The following HNRNPAB variants were observed in gnomAD, a reference collection of about 807,000 sequenced individuals.
HNRNPAB encodes the protein ABBP-1.
Under a neutral mutation model 44.1 loss-of-function variants are expected in HNRNPAB, and 17 were observed. The observed-to-expected ratio is 0.39, with a 90% CI of 0.26 to 0.58. The LOEUF is 0.58. Among genes scored for constraint, HNRNPAB ranks in the 20% least tolerant of loss-of-function variants. The pLI is 0.63. For synonymous variants in HNRNPAB, 183 were observed against 167.6 expected (o/e 1.09, Z -0.71); for missense variants, 393 against 432.7 (o/e 0.91, Z 0.81).
intron 6 of HNRNPAB, 150 bp from the exon 7 acceptor site, chr5:178,209,982 C>T: frequency 2.0e-6 from 2 of 1,013,754 alleles, no homozygotes; most frequent in Non-Finnish European, 2.7e-6. Flanking sequence ...GGGTTGGGCC[C>T]AGGGCCCTTA....
intron 3 of HNRNPAB, 78 bp downstream of exon 3, chr5:178,206,088 C>A: frequency 7.2e-7 from 1 of 1,390,772 alleles, no homozygotes; most frequent in Admixed American, 1.9e-5. Context: ...TAAAGCATGA[C>A]TAGTTTGTGT....
chr5:178,210,993 A>ATAT lies in HNRNPAB; in HGVS notation c.*375_*377dup, dbSNP rs1207280491. ...CACCTTTTTTTCACCTTTTAATTTTATATTATTTGCGTCATACATTTCCTG... is the reference window on the plus strand; with the variant it reads ...CACCTTTTTTTCACCTTTTAATTTTATATTATTATTTGCGTCATACATTTCCTG... On this transcript the variant is annotated 3_prime_UTR_variant, in exon 8 of 8. Coordinates refer to ENST00000358344, the MANE Select transcript of HNRNPAB (RefSeq NM_031266.3). The ATAT allele has an allele frequency of 3.8e-5, 9 of 235,862 alleles. No homozygotes were observed. Among genetic ancestry groups the ATAT allele is most frequent in the African/African-American group, 1.8e-4 (8 of 43,634 alleles). The allele number at this position is 235,862 out of a possible 1,614,324, so 14.6% of individuals were successfully genotyped here. A position where few individuals can be genotyped will look rare whatever the true frequency, so the allele number is the denominator to read the frequency against.
intron 2 of HNRNPAB, 122 bp from the exon 3 acceptor site, chr5:178,205,720 T>G (rs1483360741): frequency 1.2e-6 from 1 of 836,728 alleles, no homozygotes; most frequent in Non-Finnish European, 1.9e-6. Flanking sequence ...CTTTCTAAGG[T>G]GCTCCTTGCA....
At chr5:178,206,227 C>T (rs560838386) in intron 3 of HNRNPAB, among the ~76,000 whole-genome samples, 137 of 152,286 alleles carry the variant, frequency 9.0e-4, no homozygotes, top group African/African-American at 3.2e-3. Context: ...GGGAAGATGA[C>T]AGTTGACATT....
At chr5:178,205,283 C>G (rs1290620004) in intron 2 of HNRNPAB, among the ~76,000 whole-genome samples, 1 of 151,284 alleles carries the variant, frequency 6.6e-6, no homozygotes, top group Non-Finnish European at 1.5e-5. Context: ...GCTGCCAGGG[C>G]CAGGGCCAGG....
rs115354205 is a variant in HNRNPAB at position 178,207,787 on chromosome 5, T to G, written c.669+562T>G. On this transcript the variant is annotated intron_variant, in intron 5 of 7. Coordinates refer to ENST00000358344, the MANE Select transcript of HNRNPAB (RefSeq NM_031266.3). ...ACACAATCATGGCTCACTGCAACCT[T>G]GACCTCATGGGCGGACCGGATCCTC... Among the ~76,000 whole-genome samples, 292 of 146,732 alleles carry G rather than the reference T, an allele frequency of 2.0e-3. 2 individuals are homozygous for G. Among genetic ancestry groups the G allele is most frequent in the African/African-American group, 6.9e-3 (273 of 39,756 alleles).
chr5:178,210,383 A>G, intron 7 of HNRNPAB, 111 bp downstream of exon 7: 1 of 1,573,678 alleles, frequency 6.4e-7, no homozygotes, highest in South Asian at 1.1e-5. Context: ...GGCCTGGCTC[A>G]GCCATGGGAG....
At position 178,207,198 on chromosome 5, in the gene HNRNPAB, A is replaced by G. The variant is rs777283513; in HGVS notation, c.642A>G (p.Lys214=). Residue 214 remains lysine, a synonymous_variant, in exon 5 of 8, where the codon AAA becomes AAG. Coordinates refer to ENST00000358344, the MANE Select transcript of HNRNPAB (RefSeq NM_031266.3). ...AACCCGTGAAGAAGGTTCTGGAGAA[A>G]AAGTTCCATACTGTCAGTGGAAGCA... The part of the protein sequence containing the change: ...EEEPVKKVLE[K]KFHTVSGSKC... 3.1e-6 allele frequency: 5 copies of G among 1,614,204 alleles called. No homozygotes were observed. The highest frequency in any genetic ancestry group is 1.3e-5 in the African/African-American group (1 of 75,046).
intron 5 of HNRNPAB, among the ~76,000 whole-genome samples, chr5:178,208,097 C>T (rs1009374468): frequency 6.6e-6 from 1 of 152,172 alleles, no homozygotes; most frequent in South Asian, 2.1e-4. Flanking sequence ...GATTCATGTG[C>T]AGGGAGGTGT....
chr5:178,204,999 C>T lies in HNRNPAB; in HGVS notation c.162C>T (p.Gly54=), dbSNP rs1475494841. The change falls in exon 2 of 8, where the codon GGC becomes GGT. Residue 54 remains glycine (G), a synonymous_variant. Coordinates refer to ENST00000358344, the MANE Select transcript of HNRNPAB (RefSeq NM_031266.3). The part of the protein sequence containing the change: ...TAAPPSGNQN[G]AEGDQINASK... ...CGCCCCCGAGCGGGAATCAGAACGG[C>T]GCCGAGGGCGACCAGATCAACGCCA... 2.5e-6 allele frequency: 3 copies of T among 1,209,454 alleles called. No individual in the cohort carries two copies. The highest frequency in any genetic ancestry group is 3.1e-6 in the Non-Finnish European group (3 of 973,496). 74.9% of individuals were successfully genotyped at this position (1,209,454 alleles called of 1,614,324 possible). A position where few individuals can be genotyped will look rare whatever the true frequency, so the allele number is the denominator to read the frequency against.
chr5:178,210,741 TA>T lies in HNRNPAB; in HGVS notation c.*119del. On this transcript the variant is annotated 3_prime_UTR_variant, in exon 8 of 8. Coordinates refer to ENST00000358344, the MANE Select transcript of HNRNPAB (RefSeq NM_031266.3). ...TCTATTGCCTGTCCCATGTGCATCT[TA>T]TTTAAAATTTCCCCCATGGAAATCA... is the stretch of plus-strand genomic sequence containing the variant. 1.3e-6 allele frequency: 1 copy of T among 769,136 alleles called. No individual in the cohort carries two copies. The highest frequency in any genetic ancestry group is 2.7e-5 in the East Asian group (1 of 37,574). 47.6% of individuals were successfully genotyped at this position (769,136 alleles called of 1,614,324 possible).
Position 178,205,945 on chromosome 5 carries a change from C to G in HNRNPAB, c.313C>G (p.Pro105Ala). ...EVVDCTIKMD[P>A]NTGRSRGFGF... Reference sequence around the variant, plus strand: ...CGTTGACTGTACAATAAAAATGGATCCCAACACTGGACGGTCAAGAGGGTT... The same window carrying G: ...CGTTGACTGTACAATAAAAATGGATGCCAACACTGGACGGTCAAGAGGGTT... Residue 105 changes from proline to alanine, a missense_variant, in exon 3 of 8, where the codon CCC becomes GCC. Physicochemically the swap from Pro to Ala is conservative, Grantham distance 27. Transcript: ENST00000358344. 6.2e-7 allele frequency: 1 copy of G among 1,614,070 alleles called. No homozygotes were observed. The highest frequency in any genetic ancestry group is 8.5e-7 in the Non-Finnish European group (1 of 1,179,976).
At chr5:178,210,503 C>G (rs749125201) in intron 7 of HNRNPAB, 50 bp from the exon 8 acceptor site, 25 of 1,574,506 alleles carry the variant, frequency 1.6e-5, no homozygotes, top group Non-Finnish European at 2.1e-5. Flanking sequence ...GCGCGTGGCA[C>G]AGGGCAAATG....
intron 5 of HNRNPAB, 72 bp downstream of exon 5, chr5:178,207,297 G>A (rs2113547009): frequency 5.7e-6 from 9 of 1,568,860 alleles, no homozygotes; most frequent in Non-Finnish European, 7.8e-6. Flanking sequence ...TGGGTTAGGG[G>A]TTGGGCCTCA....
At position 178,204,723 on chromosome 5, in the gene HNRNPAB, G is replaced by C. The variant is rs1756975461; in HGVS notation, c.-41G>C. 5 of 538,072 alleles carry C rather than the reference G, an allele frequency of 9.3e-6. No individual in the cohort carries two copies. The highest frequency in any genetic ancestry group is 1.3e-5 in the Non-Finnish European group (5 of 371,854). 33.3% of individuals were successfully genotyped at this position (538,072 alleles called of 1,614,324 possible). A position where few individuals can be genotyped will look rare whatever the true frequency, so the allele number is the denominator to read the frequency against. ...GCGGGTGGGGACGAGCGGGCCCCGC[G>C]GCGTCATCGGCGGCGAGGTGAGCGG... On this transcript the variant is annotated 5_prime_UTR_variant, in exon 1 of 8. Coordinates refer to ENST00000358344, the MANE Select transcript of HNRNPAB (RefSeq NM_031266.3).
chr5:178,206,553 G>A (rs972043841), intron 3 of HNRNPAB, among the ~76,000 whole-genome samples, 179 bp from the exon 4 acceptor site: 1 of 152,192 alleles, frequency 6.6e-6, no homozygotes, highest in Non-Finnish European at 1.5e-5. Context: ...TCTAGGTGTC[G>A]AGGTAAACCA....
rs747357685 is a variant in HNRNPAB at position 178,207,195 on chromosome 5, G to A, written c.639G>A (p.Glu213=). The change falls in exon 5 of 8, where the codon GAG becomes GAA. Residue 213 remains glutamate (E), a synonymous_variant. Coordinates refer to ENST00000358344, the MANE Select transcript of HNRNPAB (RefSeq NM_031266.3). ...AAGAACCCGTGAAGAAGGTTCTGGA[G>A]AAAAAGTTCCATACTGTCAGTGGAA... The part of the protein sequence containing the change: ...KEEEPVKKVL[E]KKFHTVSGSK... The A allele has an allele frequency of 3.0e-5, 48 of 1,614,044 alleles. No homozygotes were observed. The highest frequency in any genetic ancestry group is 3.8e-5 in the Non-Finnish European group (45 of 1,180,024).
intron 3 of HNRNPAB, 66 bp downstream of exon 3, chr5:178,206,076 C>CT: frequency 6.9e-7 from 1 of 1,451,604 alleles, no homozygotes; most frequent in Non-Finnish European, 9.5e-7. Flanking sequence ...GGACACCTTT[C>CT]TTAAAGCATG....
chr5:178,207,137 G>A lies in HNRNPAB; in HGVS notation c.581G>A (p.Arg194Lys). The change falls in exon 5 of 8, where the codon AGA becomes AAA. Residue 194 changes from arginine to lysine, a missense_variant. By Grantham distance (26) the Arg-to-Lys change is conservative (BLOSUM62 2). Coordinates refer to ENST00000358344, the MANE Select transcript of HNRNPAB (RefSeq NM_031266.3). ...CCAATGGATCCAAAGTTGAACAAAA[G>A]ACGAGGTTTTGTGTTTATCACCTTT... ...ELPMDPKLNK[R>K]RGFVFITFKE... 1 of 1,614,186 alleles carries A rather than the reference G, an allele frequency of 6.2e-7. No individual in the cohort carries two copies. Among genetic ancestry groups the A allele is most frequent in the Non-Finnish European group, 8.5e-7 (1 of 1,180,024 alleles).
Sources: gnomAD v4.1 joint callset for allele counts (sites outside exome capture counted in the v4.1 genomes callset) on GRCh38, gnomAD v4.1.1 for gene constraint, MANE v1.5 for transcripts, NCBI Gene and HGNC (gene_info 2026-07-23, HGNC 2026-07-21) for gene names.